Variants in PGM5 observed in about 807,000 individuals in gnomAD.
The protein encoded by PGM5 is phosphoglucomutase 5, also known as phosphoglucomutase-like protein 5.
PGM5 carries 23 observed loss-of-function variants against 59.2 expected under a neutral mutation model. The observed-to-expected ratio is 0.39, with a 90% confidence interval of 0.28 to 0.55. The LOEUF is 0.55. Among genes scored for constraint, PGM5 ranks in the 20% least tolerant of loss-of-function variants. PGM5 has a pLI of 0.66. For synonymous variants in PGM5, 214 were observed against 286.0 expected (o/e 0.75, Z 2.54); for missense variants, 574 against 748.3 (o/e 0.77, Z 2.72).
chr9:68,385,127 A>G (rs1554678740), intron 3 of PGM5, among the ~76,000 whole-genome samples: 1 of 151,968 alleles, frequency 6.6e-6, no homozygotes, highest in East Asian at 1.9e-4. Flanking sequence ...ATATTATCTT[A>G]TATTGTAAAG....
At chr9:68,505,803 G>T (rs1445719483) in intron 10 of PGM5, among the ~76,000 whole-genome samples, 3 of 152,020 alleles carry the variant, frequency 2.0e-5, no homozygotes, top group African/African-American at 7.3e-5. Flanking sequence ...TAAATCATTG[G>T]CCCTTGGCGG....
intron 4 of PGM5, among the ~76,000 whole-genome samples, chr9:68,389,165 G>T (rs1822302960): frequency 6.6e-6 from 1 of 151,528 alleles, no homozygotes; most frequent in South Asian, 2.1e-4. Flanking sequence ...ACTTTTGTTT[G>T]TATTTTCCAA....
intron 9 of PGM5, among the ~76,000 whole-genome samples, chr9:68,491,677 T>C (rs1554687881): frequency 1.3e-5 from 2 of 152,200 alleles, no homozygotes. Flanking sequence ...GCATATTCAG[T>C]ACTTTATAAT....
At chr9:68,458,834 A>G (rs1823817100) in intron 6 of PGM5, among the ~76,000 whole-genome samples, 1 of 152,224 alleles carries the variant, frequency 6.6e-6, no homozygotes, top group Non-Finnish European at 1.5e-5. Context: ...GTTTAAGAGT[A>G]GATTTTAAGA....
chr9:68,464,872 A>G (rs1019516609), intron 6 of PGM5, among the ~76,000 whole-genome samples: 15 of 152,270 alleles, frequency 9.9e-5, no homozygotes, highest in African/African-American at 3.4e-4. Context: ...TTAACTTATT[A>G]TTTTCTATAT....
At chr9:68,413,945 T>C (rs571751305) in intron 6 of PGM5, among the ~76,000 whole-genome samples, 123 of 152,312 alleles carry the variant, frequency 8.1e-4, no homozygotes, top group Non-Finnish European at 1.5e-3. Context: ...TGATTCCCAG[T>C]ATTGAAGGTG....
At chr9:68,452,983 T>G (rs1411130542) in intron 6 of PGM5, among the ~76,000 whole-genome samples, 3 of 152,218 alleles carry the variant, frequency 2.0e-5, no homozygotes, top group African/African-American at 7.2e-5. Flanking sequence ...TAAATTCCCT[T>G]GGACCCCACC....
At chr9:68,425,079 G>T (rs1300631798) in intron 6 of PGM5, among the ~76,000 whole-genome samples, 1 of 152,104 alleles carries the variant, frequency 6.6e-6, no homozygotes, top group Non-Finnish European at 1.5e-5. Context: ...TAATTATAAT[G>T]GGAGATCATC....
chr9:68,410,543 T>C (rs1179179521), intron 6 of PGM5, among the ~76,000 whole-genome samples: 6 of 151,966 alleles, frequency 3.9e-5, no homozygotes, highest in Non-Finnish European at 8.8e-5. Context: ...TTGATGATGG[T>C]GATGAGGATG....
At chr9:68,445,210 G>GAA (rs147056641) in intron 6 of PGM5, among the ~76,000 whole-genome samples, 22 of 150,554 alleles carry the variant, frequency 1.5e-4, no homozygotes, top group African/African-American at 4.9e-4. Context: ...TAGATAGGTG[G>GAA]AAAAAAAAAT....
chr9:68,450,675 C>T (rs74987568), intron 6 of PGM5, among the ~76,000 whole-genome samples: 1,832 of 152,278 alleles, frequency 0.012, 29 homozygotes, highest in African/African-American at 0.042. Context: ...GGGAAAAATC[C>T]ACTGTCATAT....
chr9:68,429,973 A>G (rs1339161005), intron 6 of PGM5, among the ~76,000 whole-genome samples: 1 of 152,258 alleles, frequency 6.6e-6, no homozygotes, highest in African/African-American at 2.4e-5. Flanking sequence ...TGCTGGAAGA[A>G]GGAACAGTAT....
chr9:68,375,600 T>C (rs1333916469), intron 1 of PGM5, among the ~76,000 whole-genome samples: 2 of 152,228 alleles, frequency 1.3e-5, no homozygotes, highest in Non-Finnish European at 2.9e-5. Flanking sequence ...CAAATATTTA[T>C]TGTACGCTTA....
chr9:68,376,825 CTT>C (rs1264292794), intron 1 of PGM5, among the ~76,000 whole-genome samples: 271 of 102,068 alleles, frequency 2.7e-3, no homozygotes, highest in Middle Eastern at 4.5e-3. Flanking sequence ...TTCTTTCTTT[CTT>C]TCTTTCTCTT....
chr9:68,422,018 T>C (rs1554682378), intron 6 of PGM5, among the ~76,000 whole-genome samples: 1 of 152,060 alleles, frequency 6.6e-6, no homozygotes, highest in African/African-American at 2.4e-5. Flanking sequence ...ATCACTTTTA[T>C]TTATTTTAAA....
Position 68,504,535 on chromosome 9 carries a change from A to T in PGM5, c.1614+5174A>T, listed in dbSNP as rs186304229. On this transcript the variant is annotated intron_variant, in intron 10 of 10. Coordinates refer to ENST00000396396, the MANE Select transcript of PGM5 (RefSeq NM_021965.4). ...GAGAATGCTCTGCCTCGTGTTAGTTACGATGGCTGTTCCCTCTGCCTGAAA... is the reference window on the plus strand; with the variant it reads ...GAGAATGCTCTGCCTCGTGTTAGTTTCGATGGCTGTTCCCTCTGCCTGAAA... Among the ~76,000 whole-genome samples the T allele has an allele frequency of 1.4e-4, 21 of 152,296 alleles. No individual in the cohort carries two copies. In the East Asian group the frequency reaches 3.9e-3, roughly 28 times the overall value.
chr9:68,505,109 G>A (rs1279177404), intron 10 of PGM5, among the ~76,000 whole-genome samples: 2 of 152,200 alleles, frequency 1.3e-5, no homozygotes, highest in Non-Finnish European at 2.9e-5. Context: ...TGCAGGAAAG[G>A]AGACTGAGTC....
chr9:68,357,546 C>T (rs1259305055), intron 1 of PGM5, among the ~76,000 whole-genome samples, 158 bp downstream of exon 1: 1 of 152,256 alleles, frequency 6.6e-6, no homozygotes, highest in Non-Finnish European at 1.5e-5. Context: ...GCCCCACTCC[C>T]GCCGCGCTCG....
intron 6 of PGM5, among the ~76,000 whole-genome samples, chr9:68,429,900 T>A (rs1554682904): frequency 6.6e-6 from 1 of 152,240 alleles, no homozygotes; most frequent in East Asian, 1.9e-4. Context: ...GACTTGAACC[T>A]CACAGTCCTC....
Sources: gnomAD v4.1 joint callset for allele counts (sites outside exome capture counted in the v4.1 genomes callset) on GRCh38, gnomAD v4.1.1 for gene constraint, MANE v1.5 for transcripts, NCBI Gene and HGNC (gene_info 2026-07-23, HGNC 2026-07-21) for gene names.